SMOC2: variants seen among roughly 807,000 people sequenced by gnomAD.
SMOC2 encodes the protein SPARC-related modular calcium-binding protein 2.
Under a neutral mutation model 61.4 loss-of-function variants are expected in SMOC2, and 39 were observed. That is an observed-to-expected ratio of 0.64 (90% CI 0.49 to 0.83). The LOEUF is 0.83. Ranked by LOEUF, SMOC2 falls within the 40% of genes least tolerant of loss-of-function variation. SMOC2 has a pLI of 0.00. For synonymous variants in SMOC2, 247 were observed against 239.9 expected, an observed-to-expected ratio of 1.03 and a Z score of -0.27; for missense variants, 556 against 592.9, an observed-to-expected ratio of 0.94 and a Z score of 0.65.
rs1220500836 is a variant in SMOC2, at chr6:168,452,102, A to G, written c.84+10648A>G. Among the ~76,000 whole-genome samples, 3 of 152,176 alleles carry G rather than the reference A, an allele frequency of 2.0e-5. No homozygotes were observed. The East Asian group carries it at 5.8e-4, about 29-fold the overall frequency. ...GGGTCTGGGGTTACCACCACCAGCA[A>G]AGTTTCTGCCACCTTGCCTGCAAAA... On this transcript the variant is annotated intron_variant, in intron 1 of 12. Coordinates refer to ENST00000356284, the MANE Select transcript of SMOC2 (RefSeq NM_001166412.2). This position sits in a 1 kb window ranked among gnomAD's most constrained non-coding sequence, Gnocchi z 5.0.
intron 7 of SMOC2, among the ~76,000 whole-genome samples, chr6:168,570,430 G>C (rs920785457): frequency 6.6e-6 from 1 of 152,154 alleles, no homozygotes; most frequent in Non-Finnish European, 1.5e-5. Flanking sequence ...GACTAGGAAA[G>C]AATGCTGGAA....
At chr6:168,571,397 A>G (rs150421415) in intron 7 of SMOC2, among the ~76,000 whole-genome samples, 2 of 152,132 alleles carry the variant, frequency 1.3e-5, no homozygotes, top group Non-Finnish European at 1.5e-5. Context: ...TGTGCTCCAT[A>G]CATAACCATC....
chr6:168,538,280 G>A (rs1453742833), intron 4 of SMOC2, among the ~76,000 whole-genome samples: 3 of 142,566 alleles, frequency 2.1e-5, no homozygotes, highest in Admixed American at 7.0e-5. Context: ...GGTGACCCCT[G>A]CTGGAATGTG....
chr6:168,580,259 C>G (rs1784891858), intron 7 of SMOC2, among the ~76,000 whole-genome samples: 1 of 152,198 alleles, frequency 6.6e-6, no homozygotes, highest in Admixed American at 6.5e-5. Flanking sequence ...TCCAAAGGAA[C>G]TGGATCCACG....
At chr6:168,596,212 C>G (rs1785331065) in intron 7 of SMOC2, among the ~76,000 whole-genome samples, 2 of 107,980 alleles carry the variant, frequency 1.9e-5, no homozygotes, top group South Asian at 7.9e-4. Flanking sequence ...GAGGCATGAA[C>G]AAGCGCCACG....
At chr6:168,665,580 C>T (rs926794447) in intron 12 of SMOC2, among the ~76,000 whole-genome samples, 2 of 152,230 alleles carry the variant, frequency 1.3e-5, no homozygotes, top group South Asian at 2.1e-4. Flanking sequence ...CTTCAGCTTC[C>T]GCTGCCACTC....
At chr6:168,461,360 T>A (rs534336070) in intron 1 of SMOC2, among the ~76,000 whole-genome samples, 4 of 152,320 alleles carry the variant, frequency 2.6e-5, no homozygotes, top group African/African-American at 9.6e-5. Flanking sequence ...CCAAACCATA[T>A]TAAAAGTGTA....
intron 1 of SMOC2, among the ~76,000 whole-genome samples, chr6:168,467,598 G>A (rs372676341): frequency 6.6e-6 from 1 of 152,020 alleles, no homozygotes; most frequent in African/African-American, 2.4e-5. Context: ...ATGAGCCACC[G>A]CTTCTGGCCC....
chr6:168,577,727 C>T (rs1176093695), intron 7 of SMOC2, among the ~76,000 whole-genome samples: 1 of 152,186 alleles, frequency 6.6e-6, no homozygotes, highest in African/African-American at 2.4e-5. Flanking sequence ...GGTTTAGAGA[C>T]AGGACCCTGC....
At position 168,441,304 on chromosome 6, in the gene SMOC2, G is replaced by T; in HGVS notation, c.-67G>T. ...CCGCCCAGCCGCGCTCGCCCACTGG[G>T]CTCTCCCGGCTGCAGTGCCAGGGCG... On this transcript the variant is annotated 5_prime_UTR_variant, in exon 1 of 13. Transcript: ENST00000356284. The T allele has an allele frequency of 6.8e-7, 1 of 1,467,762 alleles. No individual in the cohort carries two copies. The highest frequency in any genetic ancestry group is 2.4e-5 in the Admixed American group (1 of 41,144). The allele number at this position is 1,467,762 out of a possible 1,614,324, so 90.9% of individuals were successfully genotyped here.
chr6:168,526,541 C>CAG (rs1266976375), intron 3 of SMOC2, 89 bp downstream of exon 3: 34 of 1,020,244 alleles, frequency 3.3e-5, no homozygotes, highest in Middle Eastern at 2.9e-4. Flanking sequence ...GTGGGGGGAG[C>CAG]CGAACAGAAG....
intron 1 of SMOC2, among the ~76,000 whole-genome samples, chr6:168,486,483 C>G (rs1782343917): frequency 1.3e-5 from 2 of 151,948 alleles, no homozygotes; most frequent in South Asian, 4.2e-4. Context: ...CTTCTCTTTG[C>G]TACTTCTTCC....
intron 1 of SMOC2, among the ~76,000 whole-genome samples, chr6:168,464,721 G>T (rs1325376385): frequency 3.3e-5 from 5 of 152,218 alleles, no homozygotes; most frequent in Non-Finnish European, 5.9e-5. Context: ...TGTGTAAATA[G>T]TAATGTTTTG....
At chr6:168,462,763 G>A (rs143459989) in intron 1 of SMOC2, among the ~76,000 whole-genome samples, 2 of 152,152 alleles carry the variant, frequency 1.3e-5, no homozygotes, top group South Asian at 2.1e-4. Flanking sequence ...TCCATGTGTC[G>A]AGGTGGTGCA....
At chr6:168,478,213 C>G (rs1782133654) in intron 1 of SMOC2, among the ~76,000 whole-genome samples, 1 of 152,154 alleles carries the variant, frequency 6.6e-6, no homozygotes, top group South Asian at 2.1e-4. Flanking sequence ...ACCTAAAGTC[C>G]TCTTGGGAAG....
chr6:168,524,160 A>G (rs767867257), intron 2 of SMOC2, among the ~76,000 whole-genome samples: 1 of 152,128 alleles, frequency 6.6e-6, no homozygotes, highest in Non-Finnish European at 1.5e-5. Flanking sequence ...ACCTTGTCGG[A>G]TGCTGGTCAG....
intron 1 of SMOC2, among the ~76,000 whole-genome samples, chr6:168,457,652 G>A (rs886471927): frequency 5.3e-5 from 8 of 152,120 alleles, no homozygotes; most frequent in African/African-American, 1.9e-4. Context: ...ACTCGCTGCA[G>A]CCCCGGCCCA....
At chr6:168,466,123 G>A (rs951797613) in intron 1 of SMOC2, among the ~76,000 whole-genome samples, 13 of 146,048 alleles carry the variant, frequency 8.9e-5, no homozygotes, top group African/African-American at 2.3e-4. Context: ...TGGATGAAGC[G>A]AGGTGCTACT....
At chr6:168,442,057 A>C (rs1781223428) in intron 1 of SMOC2, among the ~76,000 whole-genome samples, 1 of 152,130 alleles carries the variant, frequency 6.6e-6, no homozygotes, top group Admixed American at 6.5e-5. Context: ...CGTGGGTCTG[A>C]CTCTCCCAGA....
Sources: gnomAD v4.1 joint callset for allele counts (sites outside exome capture counted in the v4.1 genomes callset) on GRCh38, gnomAD v4.1.1 for gene constraint, Gnocchi (gnomAD v3.1) non-coding constraint, MANE v1.5 for transcripts, NCBI Gene and HGNC (gene_info 2026-07-23, HGNC 2026-07-21) for gene names.